PDILT: variants seen among roughly 807,000 people sequenced by gnomAD.
PDILT encodes the protein protein disulfide isomerase like, testis expressed.
Under a neutral mutation model 53.7 loss-of-function variants are expected in PDILT, and 43 were observed. The observed-to-expected ratio is 0.80, with a 90% confidence interval of 0.63 to 1.03. PDILT has a LOEUF of 1.03. Among genes scored for constraint, PDILT ranks in the 50% least tolerant of loss-of-function variants. PDILT has a pLI of 0.00. For synonymous variants in PDILT, 282 were observed against 274.2 expected (o/e 1.03, Z -0.28); for missense variants, 727 against 712.3 (o/e 1.02, Z -0.24).
At chr16:20,384,882 G>A (rs376230225) in intron 2 of PDILT, 31 bp from the exon 3 acceptor site, 3 of 1,591,868 alleles carry the variant, frequency 1.9e-6, no homozygotes, top group South Asian at 1.1e-5. Context: ...AATTTGAGAG[G>A]CCTTTCCTCG....
intron 10 of PDILT, among the ~76,000 whole-genome samples, chr16:20,361,738 C>T (rs2141697804): frequency 6.6e-6 from 1 of 152,258 alleles, no homozygotes; most frequent in South Asian, 2.1e-4. Context: ...AGTACACAGT[C>T]CCTCCTCTAA....
At chr16:20,372,985 T>C (rs1250406107) in intron 6 of PDILT, 27 bp downstream of exon 6, 2 of 1,613,476 alleles carry the variant, frequency 1.2e-6, no homozygotes, top group East Asian at 4.5e-5. Context: ...CAGCTCCCCT[T>C]CCTCCGGGGA....
At chr16:20,368,484 TA>T (rs1277266082) in intron 8 of PDILT, among the ~76,000 whole-genome samples, 1 of 152,018 alleles carries the variant, frequency 6.6e-6, no homozygotes, top group African/African-American at 2.4e-5. Flanking sequence ...GAAAAGGCTA[TA>T]GGGGCAGCTG....
chr16:20,392,423 G>C (rs1265190456), intron 2 of PDILT, among the ~76,000 whole-genome samples: 1 of 152,206 alleles, frequency 6.6e-6, no homozygotes, highest in African/African-American at 2.4e-5. Context: ...AGTTCTCAGA[G>C]AGAAGAGAAA....
intron 8 of PDILT, among the ~76,000 whole-genome samples, chr16:20,367,321 GCAGCCTCTGTCTGGCTCA>G (rs1361949576): frequency 6.6e-6 from 1 of 151,970 alleles, no homozygotes; most frequent in East Asian, 1.9e-4. Flanking sequence ...CCCTTGCTGT[GCAGCCTCTGTCTGGCTCA>G]CAGCCTCTTC....
At chr16:20,403,575 C>A (rs959471802) in intron 1 of PDILT, among the ~76,000 whole-genome samples, 4 of 152,166 alleles carry the variant, frequency 2.6e-5, no homozygotes, top group African/African-American at 9.7e-5. Context: ...CAGGCGTGAG[C>A]CACCGTGCCC....
chr16:20,367,435 C>T (rs1282359130), intron 8 of PDILT, among the ~76,000 whole-genome samples: 1 of 152,064 alleles, frequency 6.6e-6, no homozygotes, highest in East Asian at 1.9e-4. Flanking sequence ...CATGGGGTGG[C>T]CATGGGGCAT....
chr16:20,393,515 AAAG>A (rs1966629562), intron 2 of PDILT, among the ~76,000 whole-genome samples: 1 of 152,212 alleles, frequency 6.6e-6, no homozygotes, highest in South Asian at 2.1e-4. Flanking sequence ...AACGGTAGAA[AAAG>A]AAGGTGATTC....
intron 3 of PDILT, among the ~76,000 whole-genome samples, chr16:20,382,239 A>C (rs1966470466): frequency 2.6e-5 from 4 of 152,176 alleles, no homozygotes; most frequent in Admixed American, 2.6e-4. Context: ...CAGGCATTGG[A>C]CTAGAATGAG....
intron 3 of PDILT, among the ~76,000 whole-genome samples, chr16:20,379,412 C>T (rs112709995): frequency 0.11 from 17,217 of 152,104 alleles, 1,090 homozygotes; most frequent in African/African-American, 0.16. Context: ...GTGATCCTCC[C>T]GCCTCAGCCT....
intron 2 of PDILT, among the ~76,000 whole-genome samples, chr16:20,392,636 G>C (rs1412323615): frequency 6.6e-6 from 1 of 152,172 alleles, no homozygotes; most frequent in African/African-American, 2.4e-5. Flanking sequence ...GTATTGGCAG[G>C]AATCAAAGAT....
chr16:20,365,399 A>T, intron 9 of PDILT, 21 bp downstream of exon 9: 1 of 1,612,576 alleles, frequency 6.2e-7, no homozygotes, highest in African/African-American at 1.3e-5. Context: ...TTGCCTCAGA[A>T]CCCCTCTTGG....
chr16:20,386,199 G>T (rs904467928), intron 2 of PDILT, among the ~76,000 whole-genome samples: 10 of 152,074 alleles, frequency 6.6e-5, no homozygotes, highest in African/African-American at 2.4e-4. Context: ...AGCGGTATCA[G>T]GGAGCTGGCA....
At chr16:20,377,312 G>A (rs903438466) in intron 3 of PDILT, among the ~76,000 whole-genome samples, 4 of 152,130 alleles carry the variant, frequency 2.6e-5, no homozygotes, top group East Asian at 1.9e-4. Context: ...AGCAATATTC[G>A]TTGTGAGTAG....
At position 20,388,912 on chromosome 16, in the gene PDILT, CAA is replaced by C. The variant is rs34766105; in HGVS notation, c.203-4063_203-4062del. The C allele has an allele frequency of 2.0e-3, 276 of 136,218 alleles. 3 individuals are homozygous for C. Among genetic ancestry groups the C allele is most frequent in the African/African-American group, 6.8e-3 (254 of 37,354 alleles). 8.4% of individuals were successfully genotyped at this position (136,218 alleles called of 1,614,324 possible). ...GGGCAACAAGAGCAAAACTTCATCT[CAA>C]AAAAAAAAAAAAATTGCAAATTGGT... is the stretch of plus-strand genomic sequence containing the variant. On this transcript the variant is annotated intron_variant, in intron 2 of 11. Coordinates refer to ENST00000302451, the MANE Select transcript of PDILT (RefSeq NM_174924.2).
intron 9 of PDILT, 97 bp downstream of exon 9, chr16:20,365,323 T>C (rs1966173396): frequency 1.1e-5 from 16 of 1,400,024 alleles, no homozygotes; most frequent in Non-Finnish European, 1.6e-5. Flanking sequence ...GGTGCATTGA[T>C]GGGTTTTAGA....
chr16:20,402,282 G>C (rs1339213274), intron 1 of PDILT, among the ~76,000 whole-genome samples: 1 of 104,586 alleles, frequency 9.6e-6, no homozygotes, highest in African/African-American at 4.1e-5. Flanking sequence ...AGTCAGGGAG[G>C]AGTGTTGATC....
chr16:20,389,173 T>C (rs1397150891), intron 2 of PDILT, among the ~76,000 whole-genome samples: 2 of 152,122 alleles, frequency 1.3e-5, no homozygotes, highest in Non-Finnish European at 2.9e-5. Flanking sequence ...AGGCCCTAGC[T>C]CATTGTCTGC....
intron 3 of PDILT, among the ~76,000 whole-genome samples, chr16:20,379,738 T>C (rs531421622): frequency 6.6e-6 from 1 of 152,318 alleles, no homozygotes; most frequent in South Asian, 2.1e-4. Flanking sequence ...TTAGTAGATA[T>C]AGTTAAGGTC....
Sources: gnomAD v4.1 joint callset for allele counts (sites outside exome capture counted in the v4.1 genomes callset) on GRCh38, gnomAD v4.1.1 for gene constraint, MANE v1.5 for transcripts, NCBI Gene and HGNC (gene_info 2026-07-23, HGNC 2026-07-21) for gene names.